CNTN3: variants seen among roughly 807,000 people sequenced by gnomAD.
The protein encoded by CNTN3 is contactin-3.
In CNTN3, 60 loss-of-function variants were observed where a neutral mutation model predicts 119.1. The ratio of observed to expected loss-of-function variants is 0.50; its 90% CI spans 0.41 to 0.62. The LOEUF (loss-of-function observed/expected upper bound fraction) is 0.62, where lower values mean the gene tolerates loss of function less well. Among genes scored for constraint, CNTN3 ranks in the 20% least tolerant of loss-of-function variants. CNTN3 has a pLI of 0.00. For synonymous variants in CNTN3, 450 were observed against 438.7 expected, an observed-to-expected ratio of 1.03 and a Z score of -0.32; for missense variants, 1,101 against 1,242.4, an observed-to-expected ratio of 0.89 and a Z score of 1.71.
chr3:74,358,272 G>C (rs1431456752), intron 11 of CNTN3, among the ~76,000 whole-genome samples: 1 of 152,134 alleles, frequency 6.6e-6, no homozygotes, highest in Non-Finnish European at 1.5e-5. Context: ...CTTATGATCA[G>C]TAGGGGAGAT....
intron 20 of CNTN3, among the ~76,000 whole-genome samples, chr3:74,282,486 T>A (rs1187026296): frequency 6.6e-6 from 1 of 152,206 alleles, no homozygotes; most frequent in South Asian, 2.1e-4. Context: ...CAACATTTAA[T>A]ATGCTGCTCC....
intron 2 of CNTN3, among the ~76,000 whole-genome samples, chr3:74,519,029 T>C (rs1357022086): frequency 1.3e-5 from 2 of 151,848 alleles, no homozygotes; most frequent in South Asian, 2.1e-4. Flanking sequence ...AATTCTCTCA[T>C]ATAGTATGAT....
At chr3:74,570,534 C>T (rs1444638311) in intron 1 of CNTN3, among the ~76,000 whole-genome samples, 1 of 91,408 alleles carries the variant, frequency 1.1e-5, no homozygotes, top group Non-Finnish European at 2.2e-5. Context: ...AAAAGAGTGT[C>T]TTCTAAGGAC....
At chr3:74,551,244 C>T (rs531920577) in intron 1 of CNTN3, among the ~76,000 whole-genome samples, 1 of 152,268 alleles carries the variant, frequency 6.6e-6, no homozygotes, top group Non-Finnish European at 1.5e-5. Flanking sequence ...ACAAAGACCA[C>T]TTATCTTAAA....
chr3:74,326,891 T>C (rs1703145228), intron 13 of CNTN3, among the ~76,000 whole-genome samples: 1 of 152,154 alleles, frequency 6.6e-6, no homozygotes, highest in South Asian at 2.1e-4. Flanking sequence ...ACAATATTTC[T>C]GGTATTTTTC....
At chr3:74,387,037 A>C (rs1424514153) in intron 5 of CNTN3, among the ~76,000 whole-genome samples, 6 of 152,190 alleles carry the variant, frequency 3.9e-5, no homozygotes, top group Non-Finnish European at 5.9e-5. Flanking sequence ...AGATACTGGC[A>C]GTGGAAAGCG....
chr3:74,344,160 T>C (rs1458000082), intron 11 of CNTN3, among the ~76,000 whole-genome samples: 21 of 152,146 alleles, frequency 1.4e-4, no homozygotes, highest in Admixed American at 1.2e-3. Context: ...TTGTACATAG[T>C]AGTTTTTTTC....
intron 4 of CNTN3, among the ~76,000 whole-genome samples, chr3:74,470,779 A>T (rs1397108652): frequency 1.3e-5 from 2 of 152,132 alleles, no homozygotes; most frequent in Non-Finnish European, 2.9e-5. Flanking sequence ...CCTCTCAAAA[A>T]ATATACTGGT....
At chr3:74,472,650 T>C (rs549640040) in intron 4 of CNTN3, among the ~76,000 whole-genome samples, 6 of 152,328 alleles carry the variant, frequency 3.9e-5, no homozygotes, top group South Asian at 2.1e-4. Flanking sequence ...AACTTTCTAA[T>C]GAGACCAGGT....
At chr3:74,363,771 C>T (rs1704128363) in intron 10 of CNTN3, among the ~76,000 whole-genome samples, 1 of 152,010 alleles carries the variant, frequency 6.6e-6, no homozygotes, top group South Asian at 2.1e-4. Context: ...ATGCTGAAAT[C>T]CAAATTCTCC....
intron 11 of CNTN3, among the ~76,000 whole-genome samples, chr3:74,346,879 T>C (rs1352769534): frequency 1.3e-5 from 2 of 152,112 alleles, no homozygotes; most frequent in South Asian, 2.1e-4. Flanking sequence ...TATTTTTTAA[T>C]AGAAAGCCTC....
intron 17 of CNTN3, among the ~76,000 whole-genome samples, chr3:74,298,972 C>T (rs1470803661): frequency 6.6e-6 from 1 of 151,610 alleles, no homozygotes; most frequent in East Asian, 1.9e-4. Context: ...TTTGGGAGGC[C>T]AAGGCACCTC....
chr3:74,509,643 A>C (rs1055923715), intron 2 of CNTN3, among the ~76,000 whole-genome samples: 8 of 152,094 alleles, frequency 5.3e-5, no homozygotes, highest in African/African-American at 1.9e-4. Flanking sequence ...GATTATAAAT[A>C]AGTAACCCAC....
chr3:74,402,996 G>A (rs561450496), intron 5 of CNTN3, among the ~76,000 whole-genome samples: 60 of 152,306 alleles, frequency 3.9e-4, no homozygotes, highest in Non-Finnish European at 7.8e-4. Context: ...TTAGGATAGT[G>A]AAATGAGAGG....
intron 13 of CNTN3, among the ~76,000 whole-genome samples, chr3:74,303,109 C>T (rs1575709824): frequency 6.6e-6 from 1 of 152,170 alleles, no homozygotes; most frequent in South Asian, 2.1e-4. Context: ...TTTACTTGCA[C>T]CAGGGTGACA....
chr3:74,486,388 AC>A (rs1169225179), intron 4 of CNTN3, 67 bp downstream of exon 4: 3 of 1,390,346 alleles, frequency 2.2e-6, no homozygotes, highest in Non-Finnish European at 3.0e-6. Flanking sequence ...GAAATCCAAA[AC>A]GACTACACAA....
At chr3:74,413,534 C>T (rs549091543) in intron 5 of CNTN3, among the ~76,000 whole-genome samples, 86 of 152,278 alleles carry the variant, frequency 5.6e-4, no homozygotes, top group South Asian at 1.0e-3. Flanking sequence ...CAAAAAAGAA[C>T]TGCATTTTCT....
intron 11 of CNTN3, among the ~76,000 whole-genome samples, chr3:74,344,396 G>T (rs1482482462): frequency 1.1e-5 from 1 of 87,812 alleles, no homozygotes; most frequent in Non-Finnish European, 2.3e-5. Flanking sequence ...CTTACACAGT[G>T]GTTTTTTTTT....
At chr3:74,368,949 A>T (rs951460661) in intron 8 of CNTN3, among the ~76,000 whole-genome samples, 5 of 152,114 alleles carry the variant, frequency 3.3e-5, no homozygotes, top group African/African-American at 1.2e-4. Context: ...GAAATATTTT[A>T]TCTTTGCATG....
Sources: gnomAD v4.1 joint callset for allele counts (sites outside exome capture counted in the v4.1 genomes callset) on GRCh38, gnomAD v4.1.1 for gene constraint, MANE v1.5 for transcripts, NCBI Gene and HGNC (gene_info 2026-07-23, HGNC 2026-07-21) for gene names.